FARP1: variants seen among roughly 807,000 people sequenced by gnomAD.
FARP1 encodes FERM, ARHGEF and pleckstrin domain-containing protein 1.
In FARP1, 52 loss-of-function variants were observed where a neutral mutation model predicts 128.8. The ratio of observed to expected loss-of-function variants is 0.40; its 90% CI spans 0.32 to 0.51. The LOEUF is 0.51. Among genes scored for constraint, FARP1 ranks in the 20% least tolerant of loss-of-function variants. The pLI is 0.45. For missense variants in FARP1, 1,333 were observed against 1,367.9 expected, an observed-to-expected ratio of 0.97 and a Z score of 0.40; for synonymous variants, 580 against 551.8, an observed-to-expected ratio of 1.05 and a Z score of -0.72.
At chr13:98,344,747 A>G (rs1888108630) in intron 3 of FARP1, among the ~76,000 whole-genome samples, 2 of 152,204 alleles carry the variant, frequency 1.3e-5, no homozygotes, top group Non-Finnish European at 2.9e-5. Context: ...TGAGCAGAGC[A>G]GGTGGTGAAT....
intron 5 of FARP1, among the ~76,000 whole-genome samples, chr13:98,368,548 A>G (rs1411627543): frequency 6.6e-6 from 1 of 152,194 alleles, no homozygotes; most frequent in African/African-American, 2.4e-5. Context: ...TGCCGCTGCC[A>G]TGGGTGGTAG....
At chr13:98,336,936 G>A (rs1422075511) in intron 2 of FARP1, among the ~76,000 whole-genome samples, 1 of 152,152 alleles carries the variant, frequency 6.6e-6, no homozygotes, top group East Asian at 1.9e-4. Context: ...TATAGTGACT[G>A]TTTGGCCTCT....
At chr13:98,389,154 G>T (rs182743014) in intron 9 of FARP1, among the ~76,000 whole-genome samples, 12 of 152,310 alleles carry the variant, frequency 7.9e-5, no homozygotes, top group African/African-American at 2.9e-4. Context: ...GGTTCAGTAG[G>T]TTTTCATGGC....
At chr13:98,283,586 A>G (rs759824371) in intron 2 of FARP1, among the ~76,000 whole-genome samples, 1 of 152,172 alleles carries the variant, frequency 6.6e-6, no homozygotes, top group Non-Finnish European at 1.5e-5. Flanking sequence ...TCTTTGGATA[A>G]TAAACCTTCC....
intron 3 of FARP1, among the ~76,000 whole-genome samples, chr13:98,361,553 G>A (rs1888872876): frequency 6.6e-6 from 1 of 152,168 alleles, no homozygotes; most frequent in African/African-American, 2.4e-5. Context: ...TTTAGTGGCT[G>A]GGACAGCAGG....
intron 2 of FARP1, among the ~76,000 whole-genome samples, chr13:98,313,197 A>T (rs1202302091): frequency 6.9e-6 from 1 of 145,870 alleles, no homozygotes; most frequent in African/African-American, 2.5e-5. Flanking sequence ...CGGGTGGGTC[A>T]TAATACACAC....
At chr13:98,227,163 C>G (rs964569286) in intron 2 of FARP1, among the ~76,000 whole-genome samples, 2 of 152,076 alleles carry the variant, frequency 1.3e-5, no homozygotes, top group African/African-American at 2.4e-5. Flanking sequence ...AGGATGGTCT[C>G]GATCTCCTGA....
chr13:98,393,792 C>A, intron 12 of FARP1, 74 bp downstream of exon 12: 2 of 1,154,724 alleles, frequency 1.7e-6, no homozygotes, highest in Non-Finnish European at 1.3e-6. Context: ...GGCTTCAGAG[C>A]GGGCTTTCTT....
chr13:98,309,443 A>C (rs987157998), intron 2 of FARP1, among the ~76,000 whole-genome samples: 2 of 151,950 alleles, frequency 1.3e-5, no homozygotes, highest in African/African-American at 4.8e-5. Context: ...TGCTGGGATT[A>C]CAAGCGTGAG....
intron 2 of FARP1, among the ~76,000 whole-genome samples, chr13:98,223,952 G>C (rs1264233968): frequency 1.3e-5 from 2 of 152,132 alleles, no homozygotes; most frequent in African/African-American, 2.4e-5. Flanking sequence ...GTTTAGTTTT[G>C]ATGTAATTTG....
chr13:98,217,812 C>G (rs570747987), intron 2 of FARP1, among the ~76,000 whole-genome samples: 1 of 152,184 alleles, frequency 6.6e-6, no homozygotes, highest in East Asian at 1.9e-4. Context: ...TGTTCTTGTT[C>G]GTCATCATAT....
rs9168 is a variant in FARP1 at position 98,449,329 on chromosome 13, C to A, written c.*1012C>A. Reference sequence around the variant, plus strand: ...ATCGTGCCTGTCTTCAAAAACATTTCCCTTTTTATACTCATTCCCCCCAGG... The same window carrying A: ...ATCGTGCCTGTCTTCAAAAACATTTACCTTTTTATACTCATTCCCCCCAGG... On this transcript the variant is annotated 3_prime_UTR_variant, in exon 27 of 27. Coordinates refer to ENST00000319562, the MANE Select transcript of FARP1 (RefSeq NM_005766.4). The A allele has an allele frequency of 0.26, 39,189 of 152,094 alleles. 5,191 individuals are homozygous for A. Among genetic ancestry groups the A allele is most frequent in the Non-Finnish European group, 0.3 (20,160 of 67,998 alleles). 9.4% of individuals were successfully genotyped at this position (152,094 alleles called of 1,614,324 possible).
intron 6 of FARP1, among the ~76,000 whole-genome samples, chr13:98,383,450 C>T (rs1386192923): frequency 6.6e-6 from 1 of 152,170 alleles, no homozygotes. Context: ...GTTGGCATGG[C>T]TTTGTGCAGA....
intron 13 of FARP1, chr13:98,395,706 C>A (rs1386071476): frequency 4.2e-6 from 2 of 479,052 alleles, no homozygotes; most frequent in Non-Finnish European, 7.2e-6. Context: ...CTTCCCCGCA[C>A]TCTGCGAAGT....
At chr13:98,395,668 G>A in intron 13 of FARP1, 192 bp downstream of exon 13, 2 of 638,528 alleles carry the variant, frequency 3.1e-6, no homozygotes, top group Middle Eastern at 4.4e-4. Flanking sequence ...GTCCAGGGAG[G>A]AGGGGCGAAG....
At chr13:98,362,891 G>A (rs926810803) in intron 3 of FARP1, among the ~76,000 whole-genome samples, 1 of 152,144 alleles carries the variant, frequency 6.6e-6, no homozygotes, top group Non-Finnish European at 1.5e-5. Flanking sequence ...CCTTCCCTGG[G>A]CATCGTATCC....
chr13:98,289,754 T>A (rs1321114113), intron 2 of FARP1, among the ~76,000 whole-genome samples: 1 of 152,130 alleles, frequency 6.6e-6, no homozygotes, highest in Non-Finnish European at 1.5e-5. Context: ...GTGGGTTAAG[T>A]CACTTAGTGT....
intron 1 of FARP1, among the ~76,000 whole-genome samples, chr13:98,207,650 T>C (rs1880349928): frequency 1.4e-5 from 2 of 140,402 alleles, no homozygotes; most frequent in South Asian, 5.0e-4. Flanking sequence ...GGCCTGTCCC[T>C]GCTGAGCAAG....
intron 2 of FARP1, among the ~76,000 whole-genome samples, chr13:98,243,463 AG>A (rs535890125): frequency 2.6e-5 from 4 of 151,892 alleles, no homozygotes; most frequent in Non-Finnish European, 5.9e-5. Context: ...TGGAAGGCTG[AG>A]GGGGGTGGAT....
Sources: allele counts gnomAD v4.1 joint callset (sites outside exome capture counted in the v4.1 genomes callset), GRCh38; gene constraint gnomAD v4.1.1; transcripts MANE v1.5; gene names NCBI Gene and HGNC (gene_info 2026-07-23, HGNC 2026-07-21).